Variants in EPHX4 observed in about 807,000 individuals in gnomAD.
EPHX4 encodes epoxide hydrolase 4, also known as abhydrolase domain containing 7.
In EPHX4, 31 loss-of-function variants were observed where a neutral mutation model predicts 44.9. The observed-to-expected ratio is 0.69, with a 90% CI of 0.52 to 0.93. The LOEUF (loss-of-function observed/expected upper bound fraction) is 0.93. Among genes scored for constraint, EPHX4 ranks in the 40% least tolerant of loss-of-function variants. The probability of loss-of-function intolerance (pLI) is 0.00; values close to 1 mark genes in which losing one functional copy is unlikely to be tolerated. For missense variants in EPHX4, 373 were observed against 438.1 expected (o/e 0.85, Z 1.33); for synonymous variants, 151 against 159.7 (o/e 0.95, Z 0.41).
intron 4 of EPHX4, among the ~76,000 whole-genome samples, chr1:92,047,885 G>T (rs922172416): frequency 6.6e-6 from 1 of 152,166 alleles, no homozygotes; most frequent in Admixed American, 6.5e-5. Flanking sequence ...TCACATGGAC[G>T]ATACTTTGAG....
chr1:92,042,077 T>C (rs1688515619), intron 2 of EPHX4, among the ~76,000 whole-genome samples: 2 of 151,950 alleles, frequency 1.3e-5, no homozygotes, highest in Non-Finnish European at 2.9e-5. Flanking sequence ...AATTGACTTA[T>C]TGGCCAGACA....
At chr1:92,035,059 C>A (rs1688416909) in intron 2 of EPHX4, among the ~76,000 whole-genome samples, 1 of 152,138 alleles carries the variant, frequency 6.6e-6, no homozygotes, top group East Asian at 1.9e-4. Flanking sequence ...GCAAAGACAC[C>A]TATACCTAAT....
In EPHX4 at chr1:92,030,220, G is replaced by A. The variant is rs758363254; in HGVS notation, c.141G>A (p.Pro47=). 8.7e-6 allele frequency: 14 copies of A among 1,605,374 alleles called. No homozygotes were observed. Among genetic ancestry groups the A allele is most frequent in the African/African-American group, 4.0e-5 (3 of 74,698 alleles). Residue 47 remains proline, a synonymous_variant, in exon 1 of 7, where the codon CCG becomes CCA. Transcript: ENST00000370383. Reference sequence around the variant, plus strand: ...TTTTGTGGAGCCTCGGCAAGGGGCCGGCGCAGACCTTCCGGCGGCCCGCCC... The same window carrying A: ...TTTTGTGGAGCCTCGGCAAGGGGCCAGCGCAGACCTTCCGGCGGCCCGCCC... The part of the protein sequence containing the change: ...LKLLWSLGKG[P]AQTFRRPARE...
At chr1:92,060,043 T>C (rs1258145677) in intron 6 of EPHX4, among the ~76,000 whole-genome samples, 2 of 151,986 alleles carry the variant, frequency 1.3e-5, no homozygotes, top group Non-Finnish European at 2.9e-5. Context: ...TCACAATTGA[T>C]ACAGACTTGC....
intron 1 of EPHX4, among the ~76,000 whole-genome samples, 167 bp downstream of exon 1, chr1:92,030,477 TGTGTGTGTGA>T (rs991087000): frequency 1.4e-5 from 2 of 145,046 alleles, no homozygotes; most frequent in African/African-American, 5.2e-5. Context: ...TGTGTGTGTG[TGTGTGTGTGA>T]GAGAGAGAGA....
At chr1:92,040,293 A>G (rs150120408) in intron 2 of EPHX4, among the ~76,000 whole-genome samples, 14 of 146,650 alleles carry the variant, frequency 9.5e-5, no homozygotes, top group African/African-American at 3.5e-4. Flanking sequence ...GTCCCACCTC[A>G]GGCTCCTGAG....
At chr1:92,047,178 A>G (rs1486941341) in intron 4 of EPHX4, among the ~76,000 whole-genome samples, 1 of 152,216 alleles carries the variant, frequency 6.6e-6, no homozygotes, top group Non-Finnish European at 1.5e-5. Flanking sequence ...ATTATCCGAC[A>G]AATACCCATG....
At chr1:92,059,711 CAG>C (rs1299409504) in intron 6 of EPHX4, among the ~76,000 whole-genome samples, 1 of 152,062 alleles carries the variant, frequency 6.6e-6, no homozygotes, top group African/African-American at 2.4e-5. Flanking sequence ...ATTTATTAAA[CAG>C]ATGCACCTGC....
rs1294772068 is a variant in EPHX4 at position 92,030,624 on chromosome 1, T to C, written c.231+314T>C. On this transcript the variant is annotated intron_variant, in intron 1 of 6. Coordinates refer to ENST00000370383, the MANE Select transcript of EPHX4 (RefSeq NM_173567.5). ...CCCCCGGCGCCACAACAACCCAGAA[T>C]AAACCTGCTCTTTTTCCTACTGCAA... Among the ~76,000 whole-genome samples the C allele has an allele frequency of 5.3e-5, 8 of 152,094 alleles. No individual in the cohort carries two copies. The East Asian group carries it at 1.5e-3, about 29-fold the overall frequency.
At chr1:92,052,419 C>G in intron 5 of EPHX4, 91 bp from the exon 6 acceptor site, 1 of 1,259,750 alleles carries the variant, frequency 7.9e-7, no homozygotes. Flanking sequence ...TGTCACCACA[C>G]AATGACCACC....
chr1:92,030,154 C>T lies in EPHX4; in HGVS notation c.75C>T (p.Tyr25=). The T allele has an allele frequency of 1.2e-6, 2 of 1,612,882 alleles. No homozygotes were observed. Among genetic ancestry groups the T allele is most frequent in the African/African-American group, 1.3e-5 (1 of 75,006 alleles). The part of the protein sequence containing the change: ...LRSLLFWSLV[Y]CYCGLCASIH... ...CCCTGCTCTTCTGGTCCCTGGTCTACTGCTACTGCGGGCTCTGCGCCTCCA... is the reference window on the plus strand; with the variant it reads ...CCCTGCTCTTCTGGTCCCTGGTCTATTGCTACTGCGGGCTCTGCGCCTCCA... The change falls in exon 1 of 7, where the codon TAC becomes TAT. Residue 25 remains tyrosine, a synonymous_variant. Coordinates refer to ENST00000370383, the MANE Select transcript of EPHX4 (RefSeq NM_173567.5).
At chr1:92,030,456 T>TGGTGTGTGTGTGTGTGTGTGTG in intron 1 of EPHX4, 146 bp downstream of exon 1, 1 of 270,768 alleles carries the variant, frequency 3.7e-6, no homozygotes, top group Non-Finnish European at 6.5e-6. Flanking sequence ...TCCCTGTGTG[T>TGGTGTGTGTGTGTGTGTGTGTG]CGTGTGTGTG....
chr1:92,040,176 A>ACTTT (rs1553201944), intron 2 of EPHX4, among the ~76,000 whole-genome samples: 5 of 112,138 alleles, frequency 4.5e-5, no homozygotes, highest in African/African-American at 1.7e-4. Flanking sequence ...TGTTACAATG[A>ACTTT]TTTTTTTTTT....
At chr1:92,038,996 C>T (rs1281485251) in intron 2 of EPHX4, among the ~76,000 whole-genome samples, 2 of 152,114 alleles carry the variant, frequency 1.3e-5, no homozygotes, top group African/African-American at 4.8e-5. Flanking sequence ...ATATCTACTT[C>T]ATAGTACTGT....
At chr1:92,049,037 T>C (rs1310209154) in intron 4 of EPHX4, among the ~76,000 whole-genome samples, 1 of 151,380 alleles carries the variant, frequency 6.6e-6, no homozygotes, top group African/African-American at 2.4e-5. Flanking sequence ...AATATATATG[T>C]ATATATATTT....
chr1:92,035,779 C>T (rs945346656), intron 2 of EPHX4, among the ~76,000 whole-genome samples: 1 of 152,156 alleles, frequency 6.6e-6, no homozygotes, highest in African/African-American at 2.4e-5. Context: ...CCACCCCCAA[C>T]AGGCTCCAGT....
rs1304644827 is a variant in EPHX4, at chr1:92,045,587, A to C, written c.531A>C (p.Leu177=). 1 of 1,613,918 alleles carries C rather than the reference A, an allele frequency of 6.2e-7. No individual in the cohort carries two copies. The highest frequency in any genetic ancestry group is 8.5e-7 in the Non-Finnish European group (1 of 1,179,956). The change falls in exon 4 of 7, where the codon CTA becomes CTC. Residue 177 remains leucine (L), a synonymous_variant. Coordinates refer to ENST00000370383, the MANE Select transcript of EPHX4 (RefSeq NM_173567.5). The stretch of plus-strand genomic sequence containing the variant: ...ACTGGGGGGGCATGATTGCTTGGCT[A>C]ATTGCCATCTGTTATCCTGAAATGG... ...GHDWGGMIAW[L]IAICYPEMVM...
At chr1:92,046,015 G>A (rs1352614391) in intron 4 of EPHX4, among the ~76,000 whole-genome samples, 4 of 152,154 alleles carry the variant, frequency 2.6e-5, no homozygotes, top group East Asian at 1.9e-4. Flanking sequence ...GTCAGGAATA[G>A]CAGTATTCTT....
Position 92,030,287 on chromosome 1 carries a change from AC to A in EPHX4, c.211del (p.His71ThrfsTer11). On this transcript the variant is annotated frameshift_variant, in exon 1 of 7. Coordinates refer to ENST00000370383, the MANE Select transcript of EPHX4 (RefSeq NM_173567.5). LOFTEE classifies it high-confidence loss of function. ...GTGCCTGAGCGACCCCTCCTTGGGC[AC>A]CCACTGCTACGTGCGGATCAAGGTG... ...PACLSDPSLG[T>X]HCYVRIKDSG... The A allele has an allele frequency of 6.3e-7, 1 of 1,587,760 alleles. No individual in the cohort carries two copies. The highest frequency in any genetic ancestry group is 8.6e-7 in the Non-Finnish European group (1 of 1,168,184).
Sources: gnomAD v4.1 joint callset for allele counts (sites outside exome capture counted in the v4.1 genomes callset) on GRCh38, gnomAD v4.1.1 for gene constraint, MANE v1.5 for transcripts, NCBI Gene and HGNC (gene_info 2026-07-23, HGNC 2026-07-21) for gene names.